WDR41: variants seen among roughly 807,000 people sequenced by gnomAD.
The protein encoded by WDR41 is WD repeat-containing protein 41.
In WDR41, 63 loss-of-function variants were observed where a neutral mutation model predicts 69.3. The observed-to-expected ratio is 0.91, with a 90% CI of 0.74 to 1.12. The LOEUF (loss-of-function observed/expected upper bound fraction) is 1.12, where lower values mean the gene tolerates loss of function less well. Ranked by LOEUF, WDR41 falls within the 50% of genes most tolerant of loss-of-function variation. The pLI is 0.00. For synonymous variants in WDR41, 185 were observed against 192.1 expected (o/e 0.96, Z 0.31); for missense variants, 543 against 534.5 (o/e 1.02, Z -0.16).
chr5:77,500,457 A>G (rs1802001134), intron 1 of WDR41, among the ~76,000 whole-genome samples: 1 of 152,162 alleles, frequency 6.6e-6, no homozygotes. Flanking sequence ...GAAAAAAAAT[A>G]AAAGATAAAA....
chr5:77,446,959 AAGAAACTACCATCAG>A (rs1327212230), intron 8 of WDR41, among the ~76,000 whole-genome samples: 1 of 152,234 alleles, frequency 6.6e-6, no homozygotes, highest in African/African-American at 2.4e-5. Context: ...TGCACAGCAA[AAGAAACTACCATCAG>A]AGTGAAAAGG....
chr5:77,480,399 C>G (rs1158755466), intron 2 of WDR41, among the ~76,000 whole-genome samples: 2 of 152,080 alleles, frequency 1.3e-5, no homozygotes, highest in Non-Finnish European at 2.9e-5. Flanking sequence ...GCACTATTCA[C>G]AATAGCAAGG....
In WDR41 at chr5:77,433,005, A is replaced by T; in HGVS notation, c.*130T>A. 1.9e-6 allele frequency: 2 copies of T among 1,075,576 alleles called. No homozygotes were observed. Among genetic ancestry groups the T allele is most frequent in the Non-Finnish European group, 2.6e-6 (2 of 767,254 alleles). The allele number at this position is 1,075,576 out of a possible 1,614,324, so 66.6% of individuals were successfully genotyped here. ...TGGTTGGTAGGTCCACAAAAAATTT[A>T]AACATGTAGAATTTTATGGACTGAC... On this transcript the variant is annotated 3_prime_UTR_variant, in exon 13 of 13. Coordinates refer to ENST00000296679, the MANE Select transcript of WDR41 (RefSeq NM_018268.4).
In WDR41 at chr5:77,618,170, C is replaced by T. The variant is rs139249378; in HGVS notation, c.42+2309G>A. On this transcript the variant is annotated intron_variant, in intron 1 of 5. Coordinates refer to the WDR41 transcript ENST00000509971. ...AGGTTAGCATCAATCACACTTAATTCCCCTGGACATGTGAAGCAATGGAAA... is the reference window on the plus strand; with the variant it reads ...AGGTTAGCATCAATCACACTTAATTTCCCTGGACATGTGAAGCAATGGAAA... 2.9e-3 allele frequency among the ~76,000 whole-genome samples: 442 copies of T among 152,268 alleles called. 4 individuals carry two copies. Among genetic ancestry groups the T allele is most frequent in the African/African-American group, 0.01 (424 of 41,542 alleles).
chr5:77,512,532 A>G (rs765630987), intron 1 of WDR41, among the ~76,000 whole-genome samples: 12 of 151,878 alleles, frequency 7.9e-5, no homozygotes, highest in Non-Finnish European at 1.5e-4. Context: ...CAGGCGGATC[A>G]TGAGGTCAAG....
intron 1 of WDR41, among the ~76,000 whole-genome samples, chr5:77,512,351 AGTGAGTGTGTGT>A (rs1561211239): frequency 8.3e-6 from 1 of 120,308 alleles, no homozygotes; most frequent in African/African-American, 3.2e-5. Flanking sequence ...AGAGAGAGAG[AGTGAGTGTGTGT>A]GTGTGTGTGT....
rs1561719990 is a variant in WDR41, at chr5:77,432,295, A to T, written c.*840T>A. On this transcript the variant is annotated 3_prime_UTR_variant, in exon 13 of 13. Transcript: ENST00000296679. ...CACCAAAAGGAGAAAACATATTGTT[A>T]CAAGGCTGGTTATAGTGTCTCAATG... is the stretch of plus-strand genomic sequence containing the variant. 1 of 152,252 alleles carries T rather than the reference A, an allele frequency of 6.6e-6. No homozygotes were observed. 9.4% of individuals were successfully genotyped at this position (152,252 alleles called of 1,614,324 possible). A position where few individuals can be genotyped will look rare whatever the true frequency, so the allele number is the denominator to read the frequency against.
At chr5:77,474,081 T>C (rs1192646731) in intron 2 of WDR41, among the ~76,000 whole-genome samples, 2 of 152,150 alleles carry the variant, frequency 1.3e-5, no homozygotes, top group African/African-American at 4.8e-5. Flanking sequence ...GTGGCACATA[T>C]ACACCATGGA....
chr5:77,620,032 C>G (rs1279740308), intron 1 of WDR41, among the ~76,000 whole-genome samples: 1 of 151,966 alleles, frequency 6.6e-6, no homozygotes. Flanking sequence ...TATATATATG[C>G]TATATATATA....
At chr5:77,613,490 G>A (rs1412471743) in intron 1 of WDR41, among the ~76,000 whole-genome samples, 14 of 151,656 alleles carry the variant, frequency 9.2e-5, no homozygotes, top group Middle Eastern at 3.4e-3. Context: ...AAATAACGCC[G>A]CATATCTACA....
intron 1 of WDR41, among the ~76,000 whole-genome samples, chr5:77,519,911 ATATAT>A (rs1222749624): frequency 2.6e-5 from 4 of 151,846 alleles, no homozygotes; most frequent in Admixed American, 2.6e-4. Flanking sequence ...TCTTAATAAA[ATATAT>A]TATTTCAATG....
chr5:77,557,078 T>A (rs769404369), intron 1 of WDR41, among the ~76,000 whole-genome samples: 1 of 152,138 alleles, frequency 6.6e-6, no homozygotes, highest in South Asian at 2.1e-4. Context: ...AAACAAAAAA[T>A]TCCTTGTGGA....
At chr5:77,476,730 T>TA (rs1800952107) in intron 2 of WDR41, among the ~76,000 whole-genome samples, 1 of 150,582 alleles carries the variant, frequency 6.6e-6, no homozygotes, top group African/African-American at 2.5e-5. Context: ...TGCCAAAATG[T>TA]AAAGACCATC....
chr5:77,435,204 A>G (rs180761999), intron 12 of WDR41, among the ~76,000 whole-genome samples: 1 of 152,238 alleles, frequency 6.6e-6, no homozygotes. Context: ...ATGACACTGT[A>G]CCCCAACATC....
At chr5:77,471,393 G>A (rs186779109) in intron 2 of WDR41, among the ~76,000 whole-genome samples, 3,820 of 152,050 alleles carry the variant, frequency 0.025, 137 homozygotes, top group African/African-American at 0.085. Flanking sequence ...AAACACATTC[G>A]AAAGCCAGCA....
chr5:77,469,711 T>C (rs1439693104), intron 2 of WDR41, among the ~76,000 whole-genome samples: 1 of 149,364 alleles, frequency 6.7e-6, no homozygotes. Context: ...TGAAATGAAG[T>C]GAGAAGAGAA....
chr5:77,498,837 G>GA (rs1319014319), intron 1 of WDR41, among the ~76,000 whole-genome samples: 1 of 147,802 alleles, frequency 6.8e-6, no homozygotes, highest in Non-Finnish European at 1.5e-5. Flanking sequence ...AAAGAAAAAA[G>GA]AAAAAGAAAA....
upstream of WDR41, among the ~76,000 whole-genome samples, chr5:77,497,279 C>T (rs984202161): frequency 6.6e-5 from 10 of 151,912 alleles, no homozygotes; most frequent in Non-Finnish European, 1.3e-4. Context: ...AACTTTCATG[C>T]GTCAAAGGAT....
chr5:77,566,983 A>G (rs1415470361), intron 1 of WDR41, among the ~76,000 whole-genome samples: 1 of 152,218 alleles, frequency 6.6e-6, no homozygotes, highest in Non-Finnish European at 1.5e-5. Context: ...TAGGAGAGCC[A>G]ATATGGTAGT....
Sources: allele counts gnomAD v4.1 joint callset (sites outside exome capture counted in the v4.1 genomes callset), GRCh38; gene constraint gnomAD v4.1.1; transcripts MANE v1.5; gene names NCBI Gene and HGNC (gene_info 2026-07-23, HGNC 2026-07-21).